Variants in TSHZ2 observed in about 807,000 individuals in gnomAD.
The protein encoded by TSHZ2 is teashirt zinc finger homeobox 2.
TSHZ2 carries 21 observed loss-of-function variants against 74.4 expected under a neutral mutation model. That is an observed-to-expected ratio of 0.28 (90% CI 0.20 to 0.41). The LOEUF is 0.41. TSHZ2 is among the 10% of genes least tolerant of loss of function. The pLI is 1.00. For missense variants in TSHZ2, 1,244 were observed against 1,293.5 expected, an observed-to-expected ratio of 0.96 and a Z score of 0.59; for synonymous variants, 540 against 515.3, an observed-to-expected ratio of 1.05 and a Z score of -0.65.
chr20:53,117,015 T>G (rs1293431), intron 1 of TSHZ2, among the ~76,000 whole-genome samples: 114,776 of 151,786 alleles, frequency 0.76, 43,822 homozygotes, highest in East Asian at 1. Flanking sequence ...TGGAGGATGG[T>G]GTAGAGAAAA....
chr20:53,063,368 A>T (rs1568742110), intron 1 of TSHZ2, among the ~76,000 whole-genome samples: 1 of 152,242 alleles, frequency 6.6e-6, no homozygotes, highest in Non-Finnish European at 1.5e-5. Context: ...CTTTGCCTAT[A>T]TATTACATAT....
intron 1 of TSHZ2, among the ~76,000 whole-genome samples, chr20:53,093,136 C>A (rs1252423757): frequency 1.3e-5 from 2 of 152,184 alleles, no homozygotes; most frequent in Non-Finnish European, 2.9e-5. Context: ...CATTTCTCAG[C>A]TCATCAGTTT....
At chr20:52,991,061 G>A (rs1981966882) in intron 1 of TSHZ2, among the ~76,000 whole-genome samples, 1 of 152,218 alleles carries the variant, frequency 6.6e-6, no homozygotes, top group South Asian at 2.1e-4. Flanking sequence ...GATGTATGTT[G>A]TGGGTATTAG....
intron 2 of TSHZ2, among the ~76,000 whole-genome samples, chr20:53,409,488 T>A (rs531029062): frequency 6.6e-6 from 1 of 152,206 alleles, no homozygotes; most frequent in South Asian, 2.1e-4. Context: ...CTTTGTTTAA[T>A]GATTCATCAC....
chr20:53,335,276 G>A (rs1009066836), intron 2 of TSHZ2, among the ~76,000 whole-genome samples: 4 of 152,226 alleles, frequency 2.6e-5, no homozygotes, highest in Non-Finnish European at 5.9e-5. Flanking sequence ...TGCACAGTGA[G>A]ATTTGAGATC....
intron 2 of TSHZ2, among the ~76,000 whole-genome samples, chr20:53,344,726 A>G (rs187347113): frequency 1.8e-4 from 27 of 152,164 alleles, no homozygotes; most frequent in African/African-American, 6.0e-4. Flanking sequence ...ATGCATGTTG[A>G]TATGTATATA....
At position 53,049,673 on chromosome 20, in the gene TSHZ2, C is replaced by A. The variant is rs1984352554; in HGVS notation, c.40+76340C>A. Among the ~76,000 whole-genome samples, 6 of 151,244 alleles carry A rather than the reference C, an allele frequency of 4.0e-5. No homozygotes were observed. The South Asian group carries it at 1.3e-3, about 32-fold the overall frequency. On this transcript the variant is annotated intron_variant, in intron 1 of 2. Coordinates refer to ENST00000371497, the MANE Select transcript of TSHZ2 (RefSeq NM_173485.6). ...CTGCTGAAACACCTCTCAGAGTAGA[C>A]AAGGAAGGAAAGGAGAGACGAAGGG...
intron 1 of TSHZ2, among the ~76,000 whole-genome samples, chr20:53,233,692 G>A (rs186472755): frequency 1.5e-4 from 23 of 152,274 alleles, no homozygotes; most frequent in Non-Finnish European, 1.5e-5. Context: ...GTTCAAATGG[G>A]CAGACTCAGT....
At chr20:53,083,148 A>C (rs2123235502) in intron 1 of TSHZ2, among the ~76,000 whole-genome samples, 1 of 152,368 alleles carries the variant, frequency 6.6e-6, no homozygotes, top group Admixed American at 6.5e-5. Flanking sequence ...GTAGGTATAC[A>C]GCTAATCATT....
At chr20:53,199,753 T>C (rs1988954716) in intron 1 of TSHZ2, among the ~76,000 whole-genome samples, 1 of 152,142 alleles carries the variant, frequency 6.6e-6, no homozygotes, top group Admixed American at 6.5e-5. Flanking sequence ...CTAGTGTTTG[T>C]AGAACAACTG....
Position 53,323,563 on chromosome 20 carries a change from C to CTTTTTTTTTTTTTTTTTTTTTTTTT in TSHZ2, c.*8+67000_*8+67024dup, listed in dbSNP as rs34687825. ...CACCCGTTTTCATTGCCTTGGAGGG[C>CTTTTTTTTTTTTTTTTTTTTTTTTT]TTTTTTTTTTTTTTTTTTTTTTTTT... On this transcript the variant is annotated intron_variant, in intron 2 of 2. Coordinates refer to ENST00000371497, the MANE Select transcript of TSHZ2 (RefSeq NM_173485.6). Among the ~76,000 whole-genome samples, 3 of 36,678 alleles carry CTTTTTTTTTTTTTTTTTTTTTTTTT rather than the reference C, an allele frequency of 8.2e-5. 1 individual carries two copies. The highest frequency in any genetic ancestry group is 1.2e-4 in the African/African-American group (1 of 8,554). 24.1% of individuals were successfully genotyped at this position (36,678 alleles called of 152,430 possible).
chr20:53,458,738 G>A (rs547572525), intron 2 of TSHZ2, among the ~76,000 whole-genome samples: 84 of 151,982 alleles, frequency 5.5e-4, no homozygotes, highest in African/African-American at 1.4e-3. Context: ...CTTTGAATGC[G>A]TCCCAGAGAT....
At chr20:53,387,657 G>A (rs535028862) in intron 2 of TSHZ2, among the ~76,000 whole-genome samples, 18 of 152,216 alleles carry the variant, frequency 1.2e-4, no homozygotes, top group South Asian at 2.1e-4. Context: ...ATTGCCTCTC[G>A]CCTACAGTTG....
intron 1 of TSHZ2, among the ~76,000 whole-genome samples, chr20:52,979,442 A>G (rs1171051319): frequency 6.6e-6 from 1 of 152,242 alleles, no homozygotes; most frequent in African/African-American, 2.4e-5. Flanking sequence ...GTGTGGCCGT[A>G]TCCATATTGC....
At chr20:53,233,146 C>G (rs548929729) in intron 1 of TSHZ2, among the ~76,000 whole-genome samples, 1 of 152,334 alleles carries the variant, frequency 6.6e-6, no homozygotes, top group Non-Finnish European at 1.5e-5. Context: ...TTGTAAGATT[C>G]ACCCTAATTC....
intron 1 of TSHZ2, among the ~76,000 whole-genome samples, chr20:53,063,858 G>C (rs768014724): frequency 1.3e-5 from 2 of 152,152 alleles, no homozygotes; most frequent in Middle Eastern, 3.2e-3. Context: ...ATTTACAGGT[G>C]AGTGTTAGCA....
intron 1 of TSHZ2, among the ~76,000 whole-genome samples, chr20:53,099,851 A>G (rs1279563788): frequency 6.6e-6 from 1 of 152,242 alleles, no homozygotes; most frequent in African/African-American, 2.4e-5. Context: ...CTACAATTCA[A>G]GAGGAGATTT....
At chr20:52,996,890 G>C (rs1982217165) in intron 1 of TSHZ2, among the ~76,000 whole-genome samples, 1 of 152,150 alleles carries the variant, frequency 6.6e-6, no homozygotes. Flanking sequence ...AAACATTCCT[G>C]GTTAGTAGCT....
At chr20:53,094,476 G>A (rs1366180902) in intron 1 of TSHZ2, among the ~76,000 whole-genome samples, 1 of 152,064 alleles carries the variant, frequency 6.6e-6, no homozygotes, top group Non-Finnish European at 1.5e-5. Flanking sequence ...TCCAATATGT[G>A]GGTCCCTGAC....
Sources: gnomAD v4.1 joint callset for allele counts (sites outside exome capture counted in the v4.1 genomes callset) on GRCh38, gnomAD v4.1.1 for gene constraint, MANE v1.5 for transcripts, NCBI Gene and HGNC (gene_info 2026-07-23, HGNC 2026-07-21) for gene names.